ARSB: variants seen among roughly 807,000 people sequenced by gnomAD.
The protein encoded by ARSB is arylsulfatase B.
A neutral mutation model predicts 50.9 loss-of-function variants in ARSB; 41 were observed. That is an observed-to-expected ratio of 0.81 (90% CI 0.63 to 1.04). ARSB has a LOEUF of 1.04. ARSB is among the 50% of genes least tolerant of loss of function. ARSB has a pLI of 0.00. For synonymous variants in ARSB, 269 were observed against 284.8 expected (o/e 0.94, Z 0.56); for missense variants, 672 against 693.3 (o/e 0.97, Z 0.35).
intron 5 of ARSB, among the ~76,000 whole-genome samples, chr5:78,859,113 G>C (rs1343150720): frequency 1.3e-5 from 2 of 152,096 alleles, no homozygotes; most frequent in African/African-American, 4.8e-5. Context: ...TGTGTATGGG[G>C]GGCAGGTGAT....
At chr5:78,930,443 A>G (rs1464135658) in intron 4 of ARSB, among the ~76,000 whole-genome samples, 2 of 94,296 alleles carry the variant, frequency 2.1e-5, no homozygotes, top group East Asian at 8.1e-4. Flanking sequence ...AAAGAAAAAG[A>G]AAAAGAAAAA....
chr5:78,806,606 C>A (rs956318896), intron 6 of ARSB, among the ~76,000 whole-genome samples: 1 of 152,226 alleles, frequency 6.6e-6, no homozygotes, highest in Non-Finnish European at 1.5e-5. Flanking sequence ...AGTCACTCCT[C>A]CTCACCCTGC....
At chr5:78,832,047 A>G (rs187866499) in intron 6 of ARSB, among the ~76,000 whole-genome samples, 25 of 152,282 alleles carry the variant, frequency 1.6e-4, no homozygotes, top group Admixed American at 4.6e-4. Flanking sequence ...GAACTATACA[A>G]TGAAGCCTTG....
At chr5:78,857,488 G>T (rs534759397) in intron 5 of ARSB, among the ~76,000 whole-genome samples, 20 of 152,338 alleles carry the variant, frequency 1.3e-4, no homozygotes, top group Middle Eastern at 3.4e-3. Flanking sequence ...ATGACTGACG[G>T]TGTTAATGAT....
chr5:78,822,418 A>G (rs2112677527), intron 6 of ARSB, among the ~76,000 whole-genome samples: 1 of 149,214 alleles, frequency 6.7e-6, no homozygotes, highest in African/African-American at 2.5e-5. Context: ...AGATTTTGAC[A>G]CTCTTGGTGG....
chr5:78,955,135 T>C (rs1185720597), intron 4 of ARSB, among the ~76,000 whole-genome samples, 160 bp downstream of exon 4: 2 of 152,236 alleles, frequency 1.3e-5, no homozygotes, highest in South Asian at 2.1e-4. Flanking sequence ...TCTTTTTCCT[T>C]AGATATATCT....
At chr5:78,796,687 C>T (rs1332138391) in intron 6 of ARSB, among the ~76,000 whole-genome samples, 1 of 152,082 alleles carries the variant, frequency 6.6e-6, no homozygotes, top group African/African-American at 2.4e-5. Context: ...CGGAGTCTCA[C>T]TCTGTCACCA....
intron 6 of ARSB, among the ~76,000 whole-genome samples, chr5:78,832,746 C>G (rs1744746983): frequency 6.6e-6 from 1 of 152,062 alleles, no homozygotes; most frequent in Non-Finnish European, 1.5e-5. Context: ...AGAAGAGGGC[C>G]TTTAAATGAA....
chr5:78,833,877 A>G (rs999475158), intron 6 of ARSB, among the ~76,000 whole-genome samples: 2 of 152,242 alleles, frequency 1.3e-5, no homozygotes, highest in African/African-American at 4.8e-5. Flanking sequence ...CTGAATGAAC[A>G]GTTTCAAACA....
intron 5 of ARSB, among the ~76,000 whole-genome samples, chr5:78,870,090 TACA>T (rs1223023371): frequency 1.5e-5 from 2 of 132,764 alleles, no homozygotes; most frequent in African/African-American, 5.5e-5. Flanking sequence ...CCTCGACACA[TACA>T]CTCTCCCAAG....
intron 1 of ARSB, among the ~76,000 whole-genome samples, chr5:78,977,396 C>T (rs1169082684): frequency 3.9e-5 from 6 of 152,076 alleles, no homozygotes; most frequent in Admixed American, 2.0e-4. Flanking sequence ...TCAGGTGATC[C>T]GCCTGCCTCG....
chr5:78,978,892 A>C (rs1328895242), intron 1 of ARSB, among the ~76,000 whole-genome samples: 1 of 152,260 alleles, frequency 6.6e-6, no homozygotes, highest in Non-Finnish European at 1.5e-5. Context: ...TAAAACATAG[A>C]GGTAAATCTT....
At chr5:78,860,335 A>G (rs1746372374) in intron 5 of ARSB, among the ~76,000 whole-genome samples, 1 of 152,118 alleles carries the variant, frequency 6.6e-6, no homozygotes, top group Non-Finnish European at 1.5e-5. Flanking sequence ...TATTTAGGAT[A>G]GCTAGCTCTT....
chr5:78,784,599 T>C (rs1262279930), intron 6 of ARSB, among the ~76,000 whole-genome samples: 1 of 152,232 alleles, frequency 6.6e-6, no homozygotes, highest in Non-Finnish European at 1.5e-5. Flanking sequence ...TTAGATCTTC[T>C]ATTTCTCCCT....
In ARSB at chr5:78,942,271, T is replaced by C. The variant is rs976531225; in HGVS notation, c.898+13024A>G. 7.2e-5 allele frequency among the ~76,000 whole-genome samples: 11 copies of C among 152,356 alleles called. No homozygotes were observed. The East Asian group carries it at 1.5e-3, about 21-fold the overall frequency. ...TTGATATTTTGAAGGGTTTTTTGTG[T>C]CTCTATCTCCTTCAGTTCTGCTCTG... On this transcript the variant is annotated intron_variant, in intron 4 of 7. Transcript: ENST00000264914.
chr5:78,874,609 AAAGT>A (rs1268036434), intron 5 of ARSB, among the ~76,000 whole-genome samples: 6 of 152,096 alleles, frequency 3.9e-5, no homozygotes, highest in African/African-American at 2.4e-5. Flanking sequence ...TCAAAGATAA[AAAGT>A]AAATGTAACA....
intron 1 of ARSB, among the ~76,000 whole-genome samples, chr5:78,975,090 C>T (rs1363488868): frequency 6.6e-6 from 1 of 152,250 alleles, no homozygotes; most frequent in Admixed American, 6.5e-5. Context: ...AATCCCTGCA[C>T]CCTGTAAACA....
chr5:78,822,879 G>A lies in ARSB; in HGVS notation c.1213+16477C>T, dbSNP rs557647656. 2.5e-3 allele frequency among the ~76,000 whole-genome samples: 381 copies of A among 152,164 alleles called. 1 individual carries two copies. The highest frequency in any genetic ancestry group is 3.8e-3 in the Non-Finnish European group (256 of 67,996). On this transcript the variant is annotated intron_variant, in intron 6 of 7. Transcript: ENST00000264914. ...TCTCGATCTCTTGACCTCATGATCCGCCCGCCTCGGCCTCCCAAAGTGCTG... is the reference window on the plus strand; with the variant it reads ...TCTCGATCTCTTGACCTCATGATCCACCCGCCTCGGCCTCCCAAAGTGCTG...
At chr5:78,815,242 T>TA (rs2112664129) in intron 6 of ARSB, among the ~76,000 whole-genome samples, 1 of 150,940 alleles carries the variant, frequency 6.6e-6, no homozygotes, top group South Asian at 2.1e-4. Context: ...TAGAAGATCA[T>TA]AATGGTCATC....
Sources: allele counts gnomAD v4.1 joint callset (sites outside exome capture counted in the v4.1 genomes callset), GRCh38; gene constraint gnomAD v4.1.1; transcripts MANE v1.5; gene names NCBI Gene and HGNC (gene_info 2026-07-23, HGNC 2026-07-21).